Variants in AGAP1 observed in about 807,000 individuals in gnomAD.
The protein encoded by AGAP1 is arf-GAP with GTPase, ANK repeat and PH domain-containing protein 1.
In AGAP1, 29 loss-of-function variants were observed where a neutral mutation model predicts 105.3. That is an observed-to-expected ratio of 0.28 (90% confidence interval 0.21 to 0.38). The LOEUF is 0.38. AGAP1 is among the 10% of genes least tolerant of loss of function. AGAP1 has a pLI of 1.00. For missense variants in AGAP1, 998 were observed against 1,165.1 expected (o/e 0.86, Z 2.09); for synonymous variants, 509 against 485.9 (o/e 1.05, Z -0.63).
Position 235,740,242 on chromosome 2 carries a change from C to T in AGAP1, c.311-721C>T, listed in dbSNP as rs12998132. ...CTCCTGAGAGCATCAGGGGCCGGGA[C>T]GTCCAAGGTAGCACCAGGCCCCTCA... On this transcript the variant is annotated intron_variant, in intron 3 of 17. Transcript: ENST00000304032. The surrounding 1 kb of genome is among the most constrained non-coding windows in gnomAD (Gnocchi z 5.7). Among the ~76,000 whole-genome samples the T allele has an allele frequency of 4.6e-5, 7 of 152,016 alleles. No individual in the cohort carries two copies. The highest frequency in any genetic ancestry group is 8.8e-5 in the Non-Finnish European group (6 of 67,996).
chr2:235,560,485 G>T (rs541378794), intron 1 of AGAP1, among the ~76,000 whole-genome samples: 2 of 152,282 alleles, frequency 1.3e-5, no homozygotes, highest in South Asian at 4.1e-4. Flanking sequence ...GGACTTTACG[G>T]ATGTGATTAA....
rs1363823189 is a variant in AGAP1, at chr2:235,936,228, C to T, written c.1483+5305C>T. Among the ~76,000 whole-genome samples the T allele has an allele frequency of 6.6e-6, 1 of 152,210 alleles. No homozygotes were observed. Among genetic ancestry groups the T allele is most frequent in the East Asian group, 1.9e-4 (1 of 5,196 alleles). The stretch of plus-strand genomic sequence containing the variant: ...CTCACTTCCCTCGGCCTCCCCCAGG[C>T]CACCACGCAGCCTCGTCACCATCGA... On this transcript the variant is annotated intron_variant, in intron 12 of 17. Transcript: ENST00000304032. The surrounding 1 kb of genome is among the most constrained non-coding windows in gnomAD (Gnocchi z 4.7).
At chr2:235,757,469 C>G (rs905994823) in intron 6 of AGAP1, among the ~76,000 whole-genome samples, 1 of 152,200 alleles carries the variant, frequency 6.6e-6, no homozygotes, top group South Asian at 2.1e-4. Context: ...GTACATCGTC[C>G]TGGTGGATGG....
At chr2:235,688,263 T>C (rs1949565570) in intron 1 of AGAP1, among the ~76,000 whole-genome samples, 1 of 151,998 alleles carries the variant, frequency 6.6e-6, no homozygotes, top group East Asian at 1.9e-4. Context: ...TGGACAGAGG[T>C]GTCAGTATTT....
intron 9 of AGAP1, among the ~76,000 whole-genome samples, chr2:235,871,431 G>C (rs909984941): frequency 7.2e-5 from 11 of 152,144 alleles, no homozygotes; most frequent in African/African-American, 2.4e-4. Context: ...GTGGCCGGGA[G>C]GGGGCAGGTT....
In AGAP1 at chr2:235,959,242, C is replaced by T. The variant is rs992773255; in HGVS notation, c.1484-9220C>T. Among the ~76,000 whole-genome samples, 11 of 152,186 alleles carry T rather than the reference C, an allele frequency of 7.2e-5. No individual in the cohort carries two copies. The highest frequency in any genetic ancestry group is 1.3e-4 in the Non-Finnish European group (9 of 68,028). On this transcript the variant is annotated intron_variant, in intron 12 of 17. Transcript: ENST00000304032. The surrounding 1 kb of genome is among the most constrained non-coding windows in gnomAD (Gnocchi z 7.3). ...ATTCTTTGTATGCAGCCAGGAGGAG[C>T]GGATGGCGCTCCGTGGGCCGGCTGG...
At chr2:235,759,373 G>A (rs1341012804) in intron 6 of AGAP1, among the ~76,000 whole-genome samples, 4 of 151,382 alleles carry the variant, frequency 2.6e-5, no homozygotes, top group Admixed American at 2.6e-4. Flanking sequence ...CTTTCACCGT[G>A]TTAGCCAGGA....
intron 10 of AGAP1, among the ~76,000 whole-genome samples, chr2:235,894,819 G>T (rs965968432): frequency 6.6e-6 from 1 of 152,190 alleles, no homozygotes; most frequent in African/African-American, 2.4e-5. Context: ...GCAGGTCAAA[G>T]AACACTGAGC....
chr2:235,925,763 C>T (rs928870628), intron 11 of AGAP1, among the ~76,000 whole-genome samples: 10 of 152,170 alleles, frequency 6.6e-5, no homozygotes, highest in East Asian at 5.8e-4. Flanking sequence ...GCCTCCACCT[C>T]GGCAGGACTG....
Position 235,622,012 on chromosome 2 carries a change from C to G in AGAP1, c.164-87167C>G, listed in dbSNP as rs924931072. Among the ~76,000 whole-genome samples, 20 of 152,306 alleles carry G rather than the reference C, an allele frequency of 1.3e-4. No homozygotes were observed. The highest frequency in any genetic ancestry group is 4.8e-4 in the African/African-American group (20 of 41,564). ...GGAGCAGAATTTTAAATGCATTCCTCTAACTAGTGGTCAGCTTGCTACTGT... is the reference window on the plus strand; with the variant it reads ...GGAGCAGAATTTTAAATGCATTCCTGTAACTAGTGGTCAGCTTGCTACTGT... On this transcript the variant is annotated intron_variant, in intron 1 of 17. Transcript: ENST00000304032. The surrounding 1 kb of genome is among the most constrained non-coding windows in gnomAD (Gnocchi z 5.0).
chr2:236,044,553 A>G lies in AGAP1; in HGVS notation c.1891+3712A>G, dbSNP rs1274643580. On this transcript the variant is annotated intron_variant, in intron 15 of 17. Transcript: ENST00000304032. The surrounding 1 kb of genome is among the most constrained non-coding windows in gnomAD (Gnocchi z 5.7). Reference sequence around the variant, plus strand: ...CTCCTGGGCCTTTCTCATGTCTAGAATCCTGCCTTATTTCCCTTTGTGAAC... The same window carrying G: ...CTCCTGGGCCTTTCTCATGTCTAGAGTCCTGCCTTATTTCCCTTTGTGAAC... Among the ~76,000 whole-genome samples, 1 of 151,952 alleles carries G rather than the reference A, an allele frequency of 6.6e-6. No homozygotes were observed. Among genetic ancestry groups the G allele is most frequent in the Middle Eastern group, 3.2e-3 (1 of 316 alleles).
At chr2:235,676,686 G>C (rs1256526948) in intron 1 of AGAP1, among the ~76,000 whole-genome samples, 1 of 152,138 alleles carries the variant, frequency 6.6e-6, no homozygotes, top group Non-Finnish European at 1.5e-5. Context: ...TTTTGTTTTT[G>C]AAAAATATTT....
rs566931695 is a variant in AGAP1, at chr2:235,552,188, G to C, written c.163+57339G>C. ...TGTTCATTGCCCCGTAACTCTGGCC[G>C]CGGTAGTCTGGACAGGGCTTCTGAG... On this transcript the variant is annotated intron_variant, in intron 1 of 17. Transcript: ENST00000304032. The surrounding 1 kb of genome is among the most constrained non-coding windows in gnomAD (Gnocchi z 5.9). 2.0e-5 allele frequency among the ~76,000 whole-genome samples: 3 copies of C among 152,156 alleles called. No homozygotes were observed. Among genetic ancestry groups the C allele is most frequent in the Non-Finnish European group, 4.4e-5 (3 of 68,036 alleles).
At chr2:235,708,331 G>C (rs897068849) in intron 1 of AGAP1, among the ~76,000 whole-genome samples, 3 of 152,228 alleles carry the variant, frequency 2.0e-5, no homozygotes, top group Admixed American at 1.3e-4. Flanking sequence ...CAGGACAAAT[G>C]ATGACTACTA....
chr2:235,783,065 T>C (rs1300867745), intron 6 of AGAP1, among the ~76,000 whole-genome samples: 1 of 148,804 alleles, frequency 6.7e-6, no homozygotes, highest in Non-Finnish European at 1.5e-5. Context: ...GGTTGCAGAG[T>C]GAGGATCTGG....
rs1000933947 is a variant in AGAP1 at position 235,569,848 on chromosome 2, G to A, written c.163+74999G>A. ...TGCCAATCAGTAGCTGAAAGTGGAT[G>A]CTATTGTTTTTCCGATTGCTGGTCT... is the stretch of plus-strand genomic sequence containing the variant. On this transcript the variant is annotated intron_variant, in intron 1 of 17. Transcript: ENST00000304032. This position sits in a 1 kb window ranked among gnomAD's most constrained non-coding sequence, Gnocchi z 5.9. Among the ~76,000 whole-genome samples the A allele has an allele frequency of 6.6e-6, 1 of 152,192 alleles. No homozygotes were observed. Among genetic ancestry groups the A allele is most frequent in the Non-Finnish European group, 1.5e-5 (1 of 68,028 alleles).
intron 16 of AGAP1, among the ~76,000 whole-genome samples, chr2:236,115,277 A>G (rs1209566687): frequency 1.3e-5 from 2 of 152,298 alleles, no homozygotes; most frequent in African/African-American, 4.8e-5. Context: ...TGTCATCCAA[A>G]TGCGTGATCC....
At chr2:235,699,667 T>G (rs1227050255) in intron 1 of AGAP1, among the ~76,000 whole-genome samples, 1 of 152,148 alleles carries the variant, frequency 6.6e-6, no homozygotes, top group East Asian at 1.9e-4. Flanking sequence ...CTCAGAAGCA[T>G]TTTTGGTTTT....
At chr2:235,593,437 T>C (rs1347921834) in intron 1 of AGAP1, among the ~76,000 whole-genome samples, 3 of 152,222 alleles carry the variant, frequency 2.0e-5, no homozygotes, top group Non-Finnish European at 4.4e-5. Flanking sequence ...GAATCTAATT[T>C]TAGTTGTTTT....
Sources: gnomAD v4.1 joint callset for allele counts (sites outside exome capture counted in the v4.1 genomes callset) on GRCh38, gnomAD v4.1.1 for gene constraint, Gnocchi (gnomAD v3.1) non-coding constraint, MANE v1.5 for transcripts, NCBI Gene and HGNC (gene_info 2026-07-23, HGNC 2026-07-21) for gene names.